IGDCC3: variants seen among roughly 807,000 people sequenced by gnomAD.
IGDCC3 encodes the protein putative neuronal cell adhesion molecule.
A neutral mutation model predicts 72.0 loss-of-function variants in IGDCC3; 47 were observed. The ratio of observed to expected loss-of-function variants is 0.65; its 90% confidence interval spans 0.52 to 0.83. The LOEUF (loss-of-function observed/expected upper bound fraction) is 0.83. Ranked by LOEUF, IGDCC3 falls within the 40% of genes least tolerant of loss-of-function variation. The pLI is 0.00. For synonymous variants in IGDCC3, 477 were observed against 472.8 expected, an observed-to-expected ratio of 1.01 and a Z score of -0.11; for missense variants, 1,038 against 1,091.3, an observed-to-expected ratio of 0.95 and a Z score of 0.69.
intron 2 of IGDCC3, among the ~76,000 whole-genome samples, chr15:65,336,486 G>C (rs1182591523): frequency 6.6e-6 from 1 of 151,824 alleles, no homozygotes; most frequent in Non-Finnish European, 1.5e-5. Flanking sequence ...CTGGTCATCA[G>C]GCCCTGGTTA....
At position 65,331,136 on chromosome 15, in the gene IGDCC3, G is replaced by A. The variant is rs770335929; in HGVS notation, c.1475C>T (p.Thr492Ile). The change falls in exon 9 of 14, where the codon ACA becomes ATA. Residue 492 changes from threonine to isoleucine, a missense_variant. By Grantham distance (89) the Thr-to-Ile change is moderately conservative (BLOSUM62 -1). Coordinates refer to ENST00000327987, the MANE Select transcript of IGDCC3 (RefSeq NM_004884.4). Reference protein sequence around the residue: ...QHLVSDLEPSTAYSFYIKAYT... With the variant: ...QHLVSDLEPSIAYSFYIKAYT... ...GGCCTTGATGTAGAAACTGTAGGCT[G>A]TGGAGGGCTCCAGGTCGCTGACCAG... The A allele has an allele frequency of 1.2e-6, 2 of 1,614,164 alleles. No homozygotes were observed. Among genetic ancestry groups the A allele is most frequent in the Admixed American group, 3.3e-5 (2 of 60,022 alleles).
intron 2 of IGDCC3, among the ~76,000 whole-genome samples, chr15:65,346,596 A>G (rs994563119): frequency 2.6e-5 from 4 of 152,128 alleles, no homozygotes; most frequent in Admixed American, 6.5e-5. Context: ...AGCTGGGATT[A>G]CAGGTGCCCG....
chr15:65,338,051 C>T (rs544583811), intron 2 of IGDCC3, among the ~76,000 whole-genome samples: 2 of 152,332 alleles, frequency 1.3e-5, no homozygotes, highest in African/African-American at 4.8e-5. Flanking sequence ...GAAAGTCTGG[C>T]TTCCACTGCC....
At chr15:65,358,146 C>A (rs1180442020) in intron 2 of IGDCC3, among the ~76,000 whole-genome samples, 1 of 151,256 alleles carries the variant, frequency 6.6e-6, no homozygotes, top group East Asian at 1.9e-4. Flanking sequence ...CACTTTGTCA[C>A]CCAGGCTGGA....
At chr15:65,372,961 G>A (rs553856841) in intron 2 of IGDCC3, among the ~76,000 whole-genome samples, 557 of 152,252 alleles carry the variant, frequency 3.7e-3, no homozygotes, top group Non-Finnish European at 5.7e-3. Context: ...GCCAGAGCTT[G>A]GAGGCAAACC....
chr15:65,370,574 GTA>G (rs201032581), intron 2 of IGDCC3, among the ~76,000 whole-genome samples: 12 of 93,340 alleles, frequency 1.3e-4, no homozygotes, highest in South Asian at 2.9e-4. Flanking sequence ...ATATATGTAT[GTA>G]TATATATGTA....
rs758134594 is a variant in IGDCC3 at position 65,331,208 on chromosome 15, G to A, written c.1403C>T (p.Pro468Leu). ...GACTGCCTCCTGATACTCCAGCTCC[G>A]GTGGGTCTGGAGAGGCACAGGGTGG... ...VLHIRKAADP[P>L]ELEYQEAVSK... The change falls in exon 9 of 14, where the codon CCG becomes CTG. Residue 468 changes from proline to leucine, a missense_variant. By Grantham distance (98) the Pro-to-Leu change is moderately conservative. Transcript: ENST00000327987. The A allele has an allele frequency of 4.6e-5, 74 of 1,613,696 alleles. No homozygotes were observed. The highest frequency in any genetic ancestry group is 1.8e-4 in the Admixed American group (11 of 59,990).
intron 2 of IGDCC3, among the ~76,000 whole-genome samples, chr15:65,342,401 A>G (rs1156441519): frequency 6.6e-6 from 1 of 152,012 alleles, no homozygotes; most frequent in African/African-American, 2.4e-5. Flanking sequence ...AAAAAAAAAA[A>G]TTAGAATTAC....
intron 2 of IGDCC3, among the ~76,000 whole-genome samples, chr15:65,338,447 G>C (rs2091050200): frequency 6.6e-6 from 1 of 152,176 alleles, no homozygotes; most frequent in Non-Finnish European, 1.5e-5. Flanking sequence ...CACTCTCCAA[G>C]GCCAGGTAAC....
rs779173773 is a variant in IGDCC3, at chr15:65,334,861, C to G, written c.690G>C (p.Ser230=). 1 of 1,610,694 alleles carries G rather than the reference C, an allele frequency of 6.2e-7. No individual in the cohort carries two copies. The highest frequency in any genetic ancestry group is 1.1e-5 in the South Asian group (1 of 90,636). ...SHGARLTVSG[S]GSGAYKEPAI... ...CTGGCTCCTTGTAGGCCCCAGAGCC[C>G]GAGCCTGGGAGGAAGACGCCACATA... Residue 230 remains serine (S), a synonymous_variant, in exon 5 of 14, where the codon TCG becomes TCC. Coordinates refer to ENST00000327987, the MANE Select transcript of IGDCC3 (RefSeq NM_004884.4).
chr15:65,343,964 A>C (rs1326447059), intron 2 of IGDCC3, among the ~76,000 whole-genome samples: 2 of 152,082 alleles, frequency 1.3e-5, no homozygotes, highest in African/African-American at 4.8e-5. Flanking sequence ...TGTCCCAGGT[A>C]CCCATCATCT....
chr15:65,357,888 T>C (rs972482089), intron 2 of IGDCC3, among the ~76,000 whole-genome samples: 11 of 152,308 alleles, frequency 7.2e-5, no homozygotes, highest in East Asian at 3.9e-4. Context: ...TCTGCCTAGT[T>C]AGTCAGTTTA....
intron 2 of IGDCC3, among the ~76,000 whole-genome samples, chr15:65,356,818 T>G (rs2091224324): frequency 6.7e-6 from 1 of 149,098 alleles, no homozygotes; most frequent in Non-Finnish European, 1.5e-5. Flanking sequence ...TCTTAGAGAT[T>G]TGCTGATGTG....
chr15:65,370,616 ATG>A (rs56053228), intron 2 of IGDCC3, among the ~76,000 whole-genome samples: 45,731 of 107,668 alleles, frequency 0.42, 8,758 homozygotes, highest in Middle Eastern at 0.56. Context: ...ATATATATGT[ATG>A]TGTATATATA....
chr15:65,333,052 C>T (rs2090992980), intron 6 of IGDCC3, among the ~76,000 whole-genome samples: 1 of 152,222 alleles, frequency 6.6e-6, no homozygotes, highest in African/African-American at 2.4e-5. Context: ...GGGAGCATGA[C>T]CAAGACCATC....
rs34065363 is a variant in IGDCC3 at position 65,328,317 on chromosome 15, T to TTTTTTTTTTTTTA, written c.*591_*592insTAAAAAAAAAAAA. 2 of 128,998 alleles carry TTTTTTTTTTTTTA rather than the reference T, an allele frequency of 1.6e-5. 1 individual carries two copies. Among genetic ancestry groups the TTTTTTTTTTTTTA allele is most frequent in the Non-Finnish European group, 3.3e-5 (2 of 60,586 alleles). The allele number at this position is 128,998 out of a possible 1,614,324, so 8.0% of individuals were successfully genotyped here. A position where few individuals can be genotyped will look rare whatever the true frequency, so the allele number is the denominator to read the frequency against. On this transcript the variant is annotated 3_prime_UTR_variant, in exon 14 of 14. Transcript: ENST00000327987. The stretch of plus-strand genomic sequence containing the variant: ...GTGCTTTTTTTTTTTTTTTTTTTTT[T>TTTTTTTTTTTTTA]ACTCTGGACAACAGTGTGGGAAGGG...
chr15:65,334,166 C>G (rs2091004821), intron 5 of IGDCC3, among the ~76,000 whole-genome samples: 1 of 152,204 alleles, frequency 6.6e-6, no homozygotes, highest in African/African-American at 2.4e-5. Flanking sequence ...CACCCCACCC[C>G]CTCCAGAGTT....
intron 2 of IGDCC3, among the ~76,000 whole-genome samples, chr15:65,354,548 C>A (rs1389027149): frequency 6.6e-6 from 1 of 152,170 alleles, no homozygotes; most frequent in Non-Finnish European, 1.5e-5. Context: ...GCTGTTGATG[C>A]GTCTATCTGC....
chr15:65,375,525 G>A, intron 1 of IGDCC3, 123 bp from the exon 2 acceptor site: 1 of 727,072 alleles, frequency 1.4e-6, no homozygotes, highest in East Asian at 2.7e-5. Flanking sequence ...CCATGTTTCT[G>A]TAATGTTAAT....
Sources: gnomAD v4.1 joint callset for allele counts (sites outside exome capture counted in the v4.1 genomes callset) on GRCh38, gnomAD v4.1.1 for gene constraint, MANE v1.5 for transcripts, NCBI Gene and HGNC (gene_info 2026-07-23, HGNC 2026-07-21) for gene names.